Variants in EIF4E observed in about 807,000 individuals in gnomAD.
EIF4E encodes the protein eIF-4F 25 kDa subunit.
For missense variants in EIF4E, 113 were observed against 265.6 expected (o/e 0.43, Z 3.99); for synonymous variants, 71 against 88.5 (o/e 0.80, Z 1.11).
At chr4:98,881,311 A>G (rs1723683628) in intron 6 of EIF4E, among the ~76,000 whole-genome samples, 169 bp from the exon 7 acceptor site, 1 of 152,110 alleles carries the variant, frequency 6.6e-6, no homozygotes, top group Non-Finnish European at 1.5e-5. Context: ...TTTACTCTTC[A>G]TTTTTGCGAT....
At chr4:98,919,805 T>C (rs1725568878) in intron 1 of EIF4E, among the ~76,000 whole-genome samples, 2 of 152,168 alleles carry the variant, frequency 1.3e-5, no homozygotes, top group South Asian at 4.1e-4. Context: ...GTGCTCCACC[T>C]GCCACAGCCT....
chr4:98,916,561 A>AT (rs1725391781), intron 1 of EIF4E, among the ~76,000 whole-genome samples: 4 of 152,164 alleles, frequency 2.6e-5, no homozygotes, highest in Admixed American at 2.6e-4. Context: ...ATACTAAGGT[A>AT]TATTATTGTG....
intron 1 of EIF4E, among the ~76,000 whole-genome samples, chr4:98,924,081 AT>A (rs368748064): frequency 0.02 from 2,867 of 145,936 alleles, 68 homozygotes; most frequent in African/African-American, 0.064. Flanking sequence ...TCTTTTGTTT[AT>A]TTTTTTTTTT....
chr4:98,918,447 T>C (rs1421310757), intron 1 of EIF4E, among the ~76,000 whole-genome samples: 2 of 151,542 alleles, frequency 1.3e-5, no homozygotes, highest in African/African-American at 2.4e-5. Flanking sequence ...CATATAAACA[T>C]TTATTTTGAA....
intron 1 of EIF4E, among the ~76,000 whole-genome samples, chr4:98,924,684 C>T (rs1239781025): frequency 6.6e-6 from 1 of 152,066 alleles, no homozygotes; most frequent in Non-Finnish European, 1.5e-5. Context: ...ACCTCCACCT[C>T]CAGGTTCAAG....
intron 1 of EIF4E, among the ~76,000 whole-genome samples, chr4:98,928,149 C>T (rs1721288961): frequency 2.0e-5 from 3 of 152,192 alleles, no homozygotes; most frequent in Admixed American, 2.0e-4. Context: ...GGGATTGAGA[C>T]CCATTCGCAT....
At chr4:98,901,786 G>T in intron 2 of EIF4E, 90 bp downstream of exon 2, 3 of 1,188,360 alleles carry the variant, frequency 2.5e-6, no homozygotes, top group Non-Finnish European at 3.8e-6. Flanking sequence ...TCTAAAACTA[G>T]TCTCATAATC....
chr4:98,903,160 CAAAAG>C (rs1405925602), intron 1 of EIF4E, among the ~76,000 whole-genome samples: 1 of 151,838 alleles, frequency 6.6e-6, no homozygotes, highest in East Asian at 1.9e-4. Flanking sequence ...TTGTTGTCAA[CAAAAG>C]AAGAGAGCCA....
intron 6 of EIF4E, among the ~76,000 whole-genome samples, chr4:98,882,351 T>A (rs1216383039): frequency 7.1e-6 from 1 of 140,600 alleles, no homozygotes; most frequent in African/African-American, 2.7e-5. Context: ...TGAGTGAGAC[T>A]GTGCCACTGC....
intron 6 of EIF4E, 122 bp downstream of exon 6, chr4:98,884,800 C>G: frequency 2.2e-6 from 3 of 1,374,382 alleles, no homozygotes; most frequent in South Asian, 2.6e-5. Context: ...AAAGTGTTCA[C>G]GAAAACAATA....
rs531568011 is a variant in EIF4E at position 98,924,152 on chromosome 4, A to C, written c.18+4943T>G. ...GAGTGCAGTGGCACAATCTCAGCTC[A>C]CTACAACCTCCGCCTCCCAGGTTCA... is the stretch of plus-strand genomic sequence containing the variant. On this transcript the variant is annotated intron_variant, in intron 1 of 6. Coordinates refer to ENST00000450253, the MANE Select transcript of EIF4E (RefSeq NM_001968.5). Among the ~76,000 whole-genome samples, 6 of 150,724 alleles carry C rather than the reference A, an allele frequency of 4.0e-5. No homozygotes were observed. The South Asian group carries it at 6.3e-4, about 16-fold the overall frequency.
At chr4:98,909,597 C>A in intron 1 of EIF4E, 1 of 683,748 alleles carries the variant, frequency 1.5e-6, no homozygotes, top group Non-Finnish European at 2.7e-6. Context: ...CAGCTTCTTC[C>A]AAGTCCTTTT....
At chr4:98,894,892 G>A (rs992972755) in intron 2 of EIF4E, among the ~76,000 whole-genome samples, 7 of 152,206 alleles carry the variant, frequency 4.6e-5, no homozygotes, top group African/African-American at 1.7e-4. Context: ...TAAAGTGAGA[G>A]ACATGCAACT....
intron 6 of EIF4E, 77 bp downstream of exon 6, chr4:98,884,845 T>G (rs1470185282): frequency 1.9e-6 from 3 of 1,569,546 alleles, no homozygotes; most frequent in Non-Finnish European, 2.6e-6. Flanking sequence ...GAAGTATTTC[T>G]AAAGCTACAA....
chr4:98,913,961 C>T (rs551404841), intron 1 of EIF4E, among the ~76,000 whole-genome samples: 38 of 151,944 alleles, frequency 2.5e-4, no homozygotes, highest in African/African-American at 6.8e-4. Flanking sequence ...AAACAAACCA[C>T]GGCGTTTATG....
intron 1 of EIF4E, chr4:98,909,860 C>A: frequency 3.0e-6 from 2 of 659,170 alleles, no homozygotes; most frequent in Non-Finnish European, 2.7e-6. Context: ...GTCCCCCAAG[C>A]GCCATGAGAA....
intron 6 of EIF4E, among the ~76,000 whole-genome samples, chr4:98,883,722 T>C (rs1393437559): frequency 6.6e-6 from 1 of 150,688 alleles, no homozygotes; most frequent in Non-Finnish European, 1.5e-5. Flanking sequence ...ACTAATATAA[T>C]TGAGGTAAAA....
At chr4:98,883,423 C>G (rs1723784497) in intron 6 of EIF4E, among the ~76,000 whole-genome samples, 1 of 98,638 alleles carries the variant, frequency 1.0e-5, no homozygotes, top group Non-Finnish European at 1.9e-5. Context: ...TTTTGTGAGA[C>G]AGTCTCGCTC....
intron 3 of EIF4E, among the ~76,000 whole-genome samples, chr4:98,888,898 C>T (rs529816296): frequency 5.9e-5 from 9 of 152,232 alleles, no homozygotes; most frequent in East Asian, 5.8e-4. Context: ...CAGTGGCTCA[C>T]GCCTGTAATC....
Sources: allele counts gnomAD v4.1 joint callset (sites outside exome capture counted in the v4.1 genomes callset), GRCh38; gene constraint gnomAD v4.1.1; transcripts MANE v1.5; gene names NCBI Gene and HGNC (gene_info 2026-07-23, HGNC 2026-07-21).